Variants in PATJ observed in about 807,000 individuals in gnomAD.
The protein encoded by PATJ is inaD-like protein.
PATJ carries 190 observed loss-of-function variants against 224.9 expected under a neutral mutation model. The observed-to-expected ratio is 0.84, with a 90% CI of 0.75 to 0.95. The LOEUF (loss-of-function observed/expected upper bound fraction) is 0.95. Ranked by LOEUF, PATJ falls within the 40% of genes least tolerant of loss-of-function variation. The pLI is 0.00. For synonymous variants in PATJ, 769 were observed against 820.3 expected (o/e 0.94, Z 1.07); for missense variants, 2,121 against 2,270.3 (o/e 0.93, Z 1.34).
intron 31 of PATJ, among the ~76,000 whole-genome samples, chr1:62,062,392 CTTTTTTTTT>C (rs60747316): frequency 1.1e-4 from 3 of 28,480 alleles, no homozygotes; most frequent in Admixed American, 5.6e-4. Context: ...ATGTTGTCTT[CTTTTTTTTT>C]TTTTTTTTTT....
intron 17 of PATJ, among the ~76,000 whole-genome samples, chr1:61,847,453 C>T (rs927854505): frequency 5.9e-5 from 9 of 152,082 alleles, no homozygotes; most frequent in African/African-American, 1.9e-4. Context: ...ATTCTTACTG[C>T]CTAATAGTGT....
At chr1:61,826,197 G>T (rs1380741527) in intron 15 of PATJ, among the ~76,000 whole-genome samples, 8 of 152,182 alleles carry the variant, frequency 5.3e-5, no homozygotes, top group Non-Finnish European at 1.2e-4. Context: ...CAAAGTGCTT[G>T]ATATGTTACA....
chr1:61,869,480 C>G (rs1224514960), intron 20 of PATJ, among the ~76,000 whole-genome samples: 1 of 152,148 alleles, frequency 6.6e-6, no homozygotes, highest in African/African-American at 2.4e-5. Context: ...TCTCAATCTT[C>G]CTGGGGGTCG....
intron 28 of PATJ, among the ~76,000 whole-genome samples, chr1:62,002,160 C>T (rs1027345136): frequency 3.9e-5 from 6 of 152,076 alleles, no homozygotes; most frequent in Admixed American, 6.6e-5. Flanking sequence ...TACCTAGAGG[C>T]TTTGGGATCA....
At chr1:62,010,078 C>CAAAAA (rs34658070) in intron 28 of PATJ, among the ~76,000 whole-genome samples, 4 of 84,268 alleles carry the variant, frequency 4.7e-5, no homozygotes, top group Admixed American at 1.5e-4. Flanking sequence ...GACTCCATCT[C>CAAAAA]AAAAAAAAAA....
intron 20 of PATJ, among the ~76,000 whole-genome samples, chr1:61,869,425 G>C (rs1477603922): frequency 6.6e-6 from 1 of 152,062 alleles, no homozygotes; most frequent in East Asian, 1.9e-4. Flanking sequence ...TGATCCTTCT[G>C]TTTGCTTATT....
intron 7 of PATJ, among the ~76,000 whole-genome samples, chr1:61,783,656 A>ATT (rs148893514): frequency 6.8e-6 from 1 of 147,150 alleles, no homozygotes; most frequent in African/African-American, 2.5e-5. Context: ...TAGGTTTAAA[A>ATT]TTTTTTTTTT....
At chr1:61,851,945 G>C (rs1014328794) in intron 17 of PATJ, among the ~76,000 whole-genome samples, 10 of 151,884 alleles carry the variant, frequency 6.6e-5, no homozygotes, top group Admixed American at 6.6e-4. Context: ...AGGCCAAGGC[G>C]GGAGGATCAC....
At chr1:62,155,551 C>T (rs1487575495) in intron 43 of PATJ, among the ~76,000 whole-genome samples, 1 of 152,092 alleles carries the variant, frequency 6.6e-6, no homozygotes, top group Non-Finnish European at 1.5e-5. Context: ...ACACAGAATG[C>T]CCTCTCAAAG....
chr1:61,934,408 A>G (rs760507298), intron 27 of PATJ, among the ~76,000 whole-genome samples: 113 of 152,164 alleles, frequency 7.4e-4, no homozygotes, highest in Non-Finnish European at 4.7e-4. Flanking sequence ...GTGAGCCACC[A>G]TGCCCAGCCC....
chr1:61,746,799 A>G (rs967468967), intron 1 of PATJ, among the ~76,000 whole-genome samples: 2 of 152,238 alleles, frequency 1.3e-5, no homozygotes, highest in Non-Finnish European at 2.9e-5. Flanking sequence ...CTAAAAGTAC[A>G]CAGACTACTA....
At chr1:62,041,797 G>A (rs767915484) in intron 30 of PATJ, among the ~76,000 whole-genome samples, 43 of 152,182 alleles carry the variant, frequency 2.8e-4, no homozygotes, top group Admixed American at 1.7e-3. Context: ...TTGGGAGGCC[G>A]AGGCGGGTGG....
intron 28 of PATJ, among the ~76,000 whole-genome samples, chr1:62,001,543 A>G (rs1354077055): frequency 1.3e-5 from 2 of 150,808 alleles, no homozygotes; most frequent in South Asian, 2.1e-4. Context: ...TGTTCCATTG[A>G]TCTATATCTC....
At chr1:61,997,804 TG>T (rs1558013874) in intron 28 of PATJ, among the ~76,000 whole-genome samples, 26 of 131,606 alleles carry the variant, frequency 2.0e-4, no homozygotes, top group African/African-American at 6.6e-4. Context: ...TGTTTTGTTT[TG>T]TTTTGTTTTG....
chr1:61,963,240 C>A (rs4915601), intron 27 of PATJ, among the ~76,000 whole-genome samples: 3 of 152,026 alleles, frequency 2.0e-5, no homozygotes, highest in African/African-American at 7.2e-5. Flanking sequence ...CAGTTAGGCA[C>A]GTATTTTGTA....
In PATJ at chr1:61,995,088, C is replaced by A. The variant is rs374952860; in HGVS notation, c.3867+4724C>A. ...TATTTAATGATGAGTACCAAGAAAG[C>A]TAAAGCCAGTGTTATAATAGCTGTT... On this transcript the variant is annotated intron_variant, in intron 28 of 43. Transcript: ENST00000642238. Among the ~76,000 whole-genome samples the A allele has an allele frequency of 2.0e-5, 3 of 152,280 alleles. 1 individual carries two copies. Among genetic ancestry groups the A allele is most frequent in the African/African-American group, 7.2e-5 (3 of 41,562 alleles).
chr1:61,829,932 C>A (rs1031401681), intron 16 of PATJ, among the ~76,000 whole-genome samples: 10 of 152,156 alleles, frequency 6.6e-5, no homozygotes, highest in African/African-American at 2.2e-4. Flanking sequence ...ATCACTTCCA[C>A]ACATCAGACT....
chr1:61,972,969 T>G (rs1230631549), intron 27 of PATJ, among the ~76,000 whole-genome samples: 1 of 152,058 alleles, frequency 6.6e-6, no homozygotes, highest in Non-Finnish European at 1.5e-5. Context: ...TTAATAATGA[T>G]GAAACATTTG....
intron 28 of PATJ, among the ~76,000 whole-genome samples, chr1:61,997,935 A>G (rs1645474975): frequency 7.1e-6 from 1 of 141,314 alleles, no homozygotes; most frequent in Admixed American, 7.4e-5. Context: ...CTCCCTCCTC[A>G]GCCTCCTGAG....
Sources: gnomAD v4.1 joint callset for allele counts (sites outside exome capture counted in the v4.1 genomes callset) on GRCh38, gnomAD v4.1.1 for gene constraint, MANE v1.5 for transcripts, NCBI Gene and HGNC (gene_info 2026-07-23, HGNC 2026-07-21) for gene names.